Variants in CEMIP observed in about 807,000 individuals in gnomAD.
CEMIP encodes the protein cell migration-inducing and hyaluronan-binding protein.
CEMIP carries 105 observed loss-of-function variants against 156.9 expected under a neutral mutation model. The observed-to-expected ratio is 0.67, with a 90% CI of 0.57 to 0.79. The LOEUF is 0.79. CEMIP is among the 30% of genes least tolerant of loss of function. CEMIP has a pLI of 0.00. For synonymous variants in CEMIP, 676 were observed against 668.4 expected (o/e 1.01, Z -0.17); for missense variants, 1,457 against 1,769.4 (o/e 0.82, Z 3.17).
chr15:80,863,680 A>G (rs1035732290), intron 1 of CEMIP, among the ~76,000 whole-genome samples: 1 of 152,204 alleles, frequency 6.6e-6, no homozygotes, highest in African/African-American at 2.4e-5. Context: ...TGGAAGAGAA[A>G]AAACATTGAA....
chr15:80,844,952 TAGA>T, intron 1 of CEMIP, among the ~76,000 whole-genome samples: 1 of 152,188 alleles, frequency 6.6e-6, no homozygotes, highest in South Asian at 2.1e-4. Context: ...CTTTAAGTGT[TAGA>T]AGGACCTTCA....
At chr15:80,933,142 G>A in intron 22 of CEMIP, 103 bp from the exon 23 acceptor site, 1 of 1,012,274 alleles carries the variant, frequency 9.9e-7, no homozygotes, top group Non-Finnish European at 1.5e-6. Flanking sequence ...GTTTTGGCTG[G>A]CTTGTAACGT....
chr15:80,795,406 G>A lies in CEMIP; in HGVS notation c.-176+15792G>A, dbSNP rs533555458. Among the ~76,000 whole-genome samples, 5 of 152,166 alleles carry A rather than the reference G, an allele frequency of 3.3e-5. No homozygotes were observed. In the East Asian group the frequency reaches 9.7e-4, roughly 29 times the overall value. Reference sequence around the variant, plus strand: ...GGTTGGAGTGGAGGCAGTGGGGAAGGAGAAGTGTGGGTGGATCCAGCTGGT... The same window carrying A: ...GGTTGGAGTGGAGGCAGTGGGGAAGAAGAAGTGTGGGTGGATCCAGCTGGT... On this transcript the variant is annotated intron_variant, in intron 1 of 29. Transcript: ENST00000394685.
chr15:80,915,649 C>T (rs1452183263), intron 14 of CEMIP, among the ~76,000 whole-genome samples: 5 of 152,090 alleles, frequency 3.3e-5, no homozygotes, highest in South Asian at 2.1e-4. Flanking sequence ...ATAGACCAAA[C>T]GCTTCCCCCC....
chr15:80,808,103 C>CTAGG (rs1896559201), intron 1 of CEMIP, among the ~76,000 whole-genome samples: 1 of 152,186 alleles, frequency 6.6e-6, no homozygotes, highest in Non-Finnish European at 1.5e-5. Flanking sequence ...CTCTTAGTAA[C>CTAGG]CCTTTGAAGT....
chr15:80,877,337 A>G (rs1898509530), intron 3 of CEMIP, among the ~76,000 whole-genome samples: 1 of 152,168 alleles, frequency 6.6e-6, no homozygotes, highest in Non-Finnish European at 1.5e-5. Context: ...TCCCTTCTGC[A>G]GGGCCTGAGC....
chr15:80,783,425 GTTTTTTA>G (rs1895847317), intron 1 of CEMIP, among the ~76,000 whole-genome samples: 1 of 152,192 alleles, frequency 6.6e-6, no homozygotes, highest in Non-Finnish European at 1.5e-5. Flanking sequence ...CTCACTGCTT[GTTTTTTA>G]CCATTATCTG....
chr15:80,912,352 T>C (rs112529542), intron 14 of CEMIP, among the ~76,000 whole-genome samples: 32 of 152,282 alleles, frequency 2.1e-4, no homozygotes, highest in African/African-American at 7.2e-4. Context: ...TGCTGCCCTG[T>C]ATGCCAAGGT....
intron 3 of CEMIP, among the ~76,000 whole-genome samples, chr15:80,877,459 C>A (rs143296561): frequency 1.3e-5 from 2 of 152,190 alleles, no homozygotes; most frequent in Non-Finnish European, 2.9e-5. Context: ...ACCCCCAACC[C>A]GGGTTAATTT....
intron 1 of CEMIP, among the ~76,000 whole-genome samples, chr15:80,792,385 G>C (rs7183288): frequency 0.047 from 7,166 of 152,116 alleles, 572 homozygotes; most frequent in African/African-American, 0.16. Flanking sequence ...TAATAAACTG[G>C]GAAAGGGCAT....
intron 1 of CEMIP, among the ~76,000 whole-genome samples, chr15:80,790,345 C>T (rs1312712654): frequency 1.3e-5 from 2 of 152,330 alleles, no homozygotes; most frequent in Middle Eastern, 3.4e-3. Context: ...TTGAATGAGA[C>T]TAAAGCCTGA....
chr15:80,933,510 C>T (rs372762266), intron 23 of CEMIP, 50 bp downstream of exon 23: 4 of 1,431,616 alleles, frequency 2.8e-6, no homozygotes, highest in African/African-American at 2.8e-5. Context: ...ACTCATGCAA[C>T]AAGCATTCAG....
At chr15:80,929,546 C>T (rs752208455) in intron 21 of CEMIP, among the ~76,000 whole-genome samples, 7 of 152,058 alleles carry the variant, frequency 4.6e-5, no homozygotes, top group Non-Finnish European at 8.8e-5. Flanking sequence ...AGAGTCAGGC[C>T]GAAGCACACT....
intron 29 of CEMIP, chr15:80,948,260 T>G: frequency 5.1e-6 from 1 of 194,494 alleles, no homozygotes; most frequent in Non-Finnish European, 1.1e-5. Context: ...AGATGGAGAG[T>G]GCTGTGTGGG....
intron 1 of CEMIP, among the ~76,000 whole-genome samples, chr15:80,860,143 C>A (rs1056992467): frequency 6.6e-6 from 1 of 152,220 alleles, no homozygotes; most frequent in Admixed American, 6.5e-5. Context: ...GCTTCATTCC[C>A]CCTGTTCCTT....
chr15:80,892,284 G>C (rs1490024156), intron 10 of CEMIP, among the ~76,000 whole-genome samples: 1 of 152,154 alleles, frequency 6.6e-6, no homozygotes, highest in African/African-American at 2.4e-5. Context: ...GGAAGAAAGA[G>C]GAAGCAGCAA....
rs1900418542 is a variant in CEMIP, at chr15:80,920,156, G to A, written c.1860G>A (p.Glu620=). Residue 620 remains glutamate, a synonymous_variant, in exon 15 of 30, where the codon GAG becomes GAA. Transcript: ENST00000394685. ...GHCFFTEDGP[E]ERNTFDHCLG... The stretch of plus-strand genomic sequence containing the variant: ...GCTTCTTCACGGAAGATGGGCCGGA[G>A]GAACGCAACACTTTTGACCACTGTC... The A allele has an allele frequency of 6.2e-7, 1 of 1,614,080 alleles. No individual in the cohort carries two copies. The highest frequency in any genetic ancestry group is 8.5e-7 in the Non-Finnish European group (1 of 1,180,042).
At chr15:80,807,806 T>G (rs1467188352) in intron 1 of CEMIP, among the ~76,000 whole-genome samples, 1 of 152,262 alleles carries the variant, frequency 6.6e-6, no homozygotes, top group East Asian at 1.9e-4. Context: ...TGCATTGACA[T>G]TTACAAAGAT....
At chr15:80,783,877 G>C (rs1291246237) in intron 1 of CEMIP, among the ~76,000 whole-genome samples, 1 of 152,064 alleles carries the variant, frequency 6.6e-6, no homozygotes, top group Non-Finnish European at 1.5e-5. Flanking sequence ...TAGTTCCCTT[G>C]GTGTTAGGAA....
Sources: gnomAD v4.1 joint callset for allele counts (sites outside exome capture counted in the v4.1 genomes callset) on GRCh38, gnomAD v4.1.1 for gene constraint, MANE v1.5 for transcripts, NCBI Gene and HGNC (gene_info 2026-07-23, HGNC 2026-07-21) for gene names.